The following FRMPD4 variants were observed in gnomAD, a reference collection of about 807,000 sequenced individuals.
FRMPD4 encodes the protein FERM and PDZ domain containing 4.
A neutral mutation model predicts 94.1 loss-of-function variants in FRMPD4; 22 were observed. That is an observed-to-expected ratio of 0.23 (90% CI 0.17 to 0.33). The LOEUF is 0.33. Ranked by LOEUF, FRMPD4 falls within the 10% of genes least tolerant of loss-of-function variation. FRMPD4 has a pLI of 1.00. For missense variants in FRMPD4, 1,111 were observed against 1,339.9 expected (o/e 0.83, Z 2.67); for synonymous variants, 631 against 548.6 (o/e 1.15, Z -2.10).
At chrX:12,164,919 G>A (rs1291783683) in intron 1 of FRMPD4, among the ~76,000 whole-genome samples, 8 of 111,957 alleles carry the variant, frequency 7.1e-5, no homozygotes, top group Middle Eastern at 4.6e-3. Flanking sequence ...TTGTAAATTT[G>A]TTTAAGTTCT....
chrX:12,353,269 A>G (rs2055842810), intron 1 of FRMPD4, among the ~76,000 whole-genome samples: 1 of 112,251 alleles, frequency 8.9e-6, no homozygotes, highest in Admixed American at 9.4e-5. Context: ...TCCACAGAGC[A>G]GATTTTAGAA....
At chrX:12,331,964 T>G (rs1268725643) in intron 1 of FRMPD4, among the ~76,000 whole-genome samples, 1 of 50,372 alleles carries the variant, frequency 2.0e-5, no homozygotes, top group Non-Finnish European at 3.2e-5. Context: ...ATACTATATA[T>G]AAATTATATA....
At chrX:11,886,824 C>A (rs2053847954) in intron 3 of FRMPD4, among the ~76,000 whole-genome samples, 1 of 110,300 alleles carries the variant, frequency 9.1e-6, no homozygotes, top group Non-Finnish European at 1.9e-5. Flanking sequence ...ACCAACCCTC[C>A]TTTCTGACTC....
intron 1 of FRMPD4, among the ~76,000 whole-genome samples, chrX:12,180,336 T>C (rs992190552): frequency 1.4e-4 from 16 of 111,977 alleles, no homozygotes; most frequent in Admixed American, 1.3e-3. Context: ...CAGGGACAAC[T>C]CTTTTGACAT....
In FRMPD4 at chrX:12,193,838, G is replaced by GGAAGGA. The variant is rs1478269492; in HGVS notation, c.41+54826_41+54827insGAAGGA. On this transcript the variant is annotated intron_variant, in intron 1 of 16. Coordinates refer to ENST00000675598, the MANE Select transcript of FRMPD4 (RefSeq NM_001368397.1). ...AGGAAGGAAGGAAGGAGGGAAGGAA[G>GGAAGGA]AAAGAAAAGAAAGAAAAAGGAAGGA... 9.2e-4 allele frequency among the ~76,000 whole-genome samples: 55 copies of GGAAGGA among 59,956 alleles called. 7 individuals carry two copies. Among genetic ancestry groups the GGAAGGA allele is most frequent in the African/African-American group, 3.4e-3 (47 of 13,831 alleles). The allele number at this position is 59,956 out of a possible 115,157, so 52.1% of individuals were successfully genotyped here.
intron 1 of FRMPD4, among the ~76,000 whole-genome samples, chrX:12,424,069 G>T (rs922070436): frequency 8.9e-6 from 1 of 112,650 alleles, no homozygotes; most frequent in Admixed American, 9.3e-5. Context: ...GTTACTAGTA[G>T]CATGGCATTT....
chrX:12,611,879 A>AG (rs2059187824), intron 3 of FRMPD4, among the ~76,000 whole-genome samples: 1 of 52,637 alleles, frequency 1.9e-5, no homozygotes, highest in Non-Finnish European at 6.9e-5. Context: ...CATGCTTTGT[A>AG]AAAAAAAAAA....
intron 3 of FRMPD4, among the ~76,000 whole-genome samples, chrX:12,610,613 T>G (rs1214418560): frequency 9.0e-6 from 1 of 111,465 alleles, no homozygotes; most frequent in Admixed American, 9.4e-5. Context: ...CCAGGTGTGG[T>G]GGCGCTTGCC....
intron 1 of FRMPD4, among the ~76,000 whole-genome samples, chrX:12,390,882 C>G (rs1170705261): frequency 8.9e-6 from 1 of 112,005 alleles, no homozygotes; most frequent in Non-Finnish European, 1.9e-5. Flanking sequence ...GTAATCAAGA[C>G]AGTGTTGATG....
At chrX:11,872,262 T>C (rs750780357) in intron 2 of FRMPD4, among the ~76,000 whole-genome samples, 49 of 112,604 alleles carry the variant, frequency 4.4e-4, no homozygotes, top group Non-Finnish European at 2.6e-4. Flanking sequence ...ATGCCACTTG[T>C]ATGTTCAAAG....
chrX:12,119,885 T>C (rs1173231218), intron 3 of FRMPD4, among the ~76,000 whole-genome samples: 1 of 112,581 alleles, frequency 8.9e-6, no homozygotes, highest in Non-Finnish European at 1.9e-5. Context: ...CACAGGAGTA[T>C]AAACTAGAGA....
chrX:12,152,958 G>A (rs1424750489), intron 1 of FRMPD4, among the ~76,000 whole-genome samples: 2 of 86,414 alleles, frequency 2.3e-5, no homozygotes, highest in Non-Finnish European at 4.3e-5. Context: ...ACGGAGTCTC[G>A]CTCTGTTGCC....
chrX:11,914,291 CTTTTTTTTT>C (rs57258573), intron 3 of FRMPD4, among the ~76,000 whole-genome samples: 1 of 89,219 alleles, frequency 1.1e-5, no homozygotes, highest in African/African-American at 4.0e-5. Context: ...ACTTTTTTTT[CTTTTTTTTT>C]TTTTTTTGAA....
At chrX:12,346,038 A>G (rs1168875965) in intron 1 of FRMPD4, among the ~76,000 whole-genome samples, 4 of 88,421 alleles carry the variant, frequency 4.5e-5, no homozygotes, top group Non-Finnish European at 6.2e-5. Context: ...TAAAATCTCT[A>G]GTTTTTTTTT....
chrX:12,428,825 G>T (rs905010460), intron 1 of FRMPD4, among the ~76,000 whole-genome samples: 12 of 110,162 alleles, frequency 1.1e-4, no homozygotes, highest in African/African-American at 3.6e-4. Flanking sequence ...TGTGTGTTTG[G>T]TTGATTTCCA....
chrX:11,924,512 G>A (rs912149189), intron 3 of FRMPD4, among the ~76,000 whole-genome samples: 9 of 111,662 alleles, frequency 8.1e-5, no homozygotes, highest in Non-Finnish European at 1.7e-4. Flanking sequence ...TAGATAAAAA[G>A]GTCAGATTAC....
chrX:12,114,151 A>G (rs1231578433), intron 3 of FRMPD4, among the ~76,000 whole-genome samples: 1 of 110,966 alleles, frequency 9.0e-6, no homozygotes, highest in African/African-American at 3.2e-5. Flanking sequence ...CCTATAGCCT[A>G]TTATATGCTA....
intron 1 of FRMPD4, among the ~76,000 whole-genome samples, chrX:12,305,725 G>GTTTTTTTTTTTTCTT (rs2054927766): frequency 1.7e-5 from 1 of 59,721 alleles, no homozygotes; most frequent in African/African-American, 7.6e-5. Flanking sequence ...AGCTGGCTAA[G>GTTTTTTTTTTTTCTT]TTTTTTTTTT....
chrX:12,655,209 AT>A (rs1283078691), intron 4 of FRMPD4, among the ~76,000 whole-genome samples: 1 of 112,548 alleles, frequency 8.9e-6, no homozygotes, highest in Non-Finnish European at 1.9e-5. Context: ...ATCTTTAGAA[AT>A]CAGATTGTTT....
Sources: gnomAD v4.1 joint callset for allele counts (sites outside exome capture counted in the v4.1 genomes callset) on GRCh38, gnomAD v4.1.1 for gene constraint, MANE v1.5 for transcripts, NCBI Gene and HGNC (gene_info 2026-07-23, HGNC 2026-07-21) for gene names.